The following CAPN1 variants were observed in gnomAD, a reference collection of about 807,000 sequenced individuals.
The protein encoded by CAPN1 is calpain-1 catalytic subunit.
Under a neutral mutation model 105.2 loss-of-function variants are expected in CAPN1, and 77 were observed. The observed-to-expected ratio is 0.73, with a 90% CI of 0.61 to 0.88. The LOEUF is 0.88. CAPN1 is among the 40% of genes least tolerant of loss of function. The probability of loss-of-function intolerance (pLI) is 0.00; values close to 1 mark genes in which losing one functional copy is unlikely to be tolerated. For missense variants in CAPN1, 833 were observed against 976.6 expected (o/e 0.85, Z 1.96); for synonymous variants, 355 against 388.8 (o/e 0.91, Z 1.02).
rs1299195005 is a variant in CAPN1, at chr11:65,210,354, A to T, written c.1961A>T (p.Lys654Met). ...GGACCAGGCTTCAAGCTCAACAAGA[A>T]GCTGTACGAGCTCATCATCACCCGC... The part of the protein sequence containing the change: ...IESAGFKLNK[K>M]LYELIITRYS... The change falls in exon 20 of 22, where the codon AAG (lysine) becomes ATG (methionine). Residue 654 changes from lysine (K) to methionine (M), a missense_variant. Physicochemically the swap from Lys to Met is moderately conservative, Grantham distance 95. Coordinates refer to ENST00000279247, the MANE Select transcript of CAPN1 (RefSeq NM_005186.4). This position sits in a 1 kb window ranked among gnomAD's most constrained non-coding sequence, Gnocchi z 4.3. 6.2e-7 allele frequency: 1 copy of T among 1,611,860 alleles called. No homozygotes were observed. The highest frequency in any genetic ancestry group is 1.7e-5 in the Admixed American group (1 of 59,982).
rs373431615 is a variant in CAPN1 at position 65,205,000 on chromosome 11, T to A, written c.1341+142T>A. The A allele has an allele frequency of 9.2e-5, 63 of 688,436 alleles. No homozygotes were observed. In the Middle Eastern group the frequency reaches 1.6e-3, roughly 18 times the overall value. The allele number at this position is 688,436 out of a possible 1,614,324, so 42.6% of individuals were successfully genotyped here. A position where few individuals can be genotyped will look rare whatever the true frequency, so the allele number is the denominator to read the frequency against. On this transcript the variant is annotated intron_variant, in intron 11 of 21. Transcript: ENST00000279247. ...AAATTCCCCTCCACTCCCCCCACCA[T>A]CCTGAGGGCTGGGAAATCTCAGCCT...
chr11:65,192,320 G>A (rs866123115), intron 10 of CAPN1, among the ~76,000 whole-genome samples: 1 of 152,192 alleles, frequency 6.6e-6, no homozygotes, highest in South Asian at 2.1e-4. Flanking sequence ...ACATGGTCAC[G>A]AGTGACGTTT....
intron 10 of CAPN1, among the ~76,000 whole-genome samples, chr11:65,189,523 A>C: frequency 1.3e-5 from 2 of 151,258 alleles, no homozygotes; most frequent in African/African-American, 2.4e-5. Context: ...GACTCTTTCC[A>C]CTCCCTTAGT....
Position 65,206,613 on chromosome 11 carries a change from G to A in CAPN1, c.1504G>A (p.Glu502Lys), listed in dbSNP as rs895525026. ...GTATGTGGTGGTGCCCTCCACCTTCGAGCCCAACAAGGAGGGCGACTTCGT... is the reference window on the plus strand; with the variant it reads ...GTATGTGGTGGTGCCCTCCACCTTCAAGCCCAACAAGGAGGGCGACTTCGT... ...GEYVVVPSTFEPNKEGDFVLR... is the reference protein window; with the variant it reads ...GEYVVVPSTFKPNKEGDFVLR... Residue 502 changes from glutamate (E) to lysine (K), a missense_variant, in exon 13 of 22, where the codon GAG becomes AAG. Transcript: ENST00000279247. The A allele has an allele frequency of 5.6e-6, 9 of 1,613,356 alleles. No individual in the cohort carries two copies. Among genetic ancestry groups the A allele is most frequent in the South Asian group, 2.2e-5 (2 of 91,088 alleles).
chr11:65,204,856 G>A lies in CAPN1; in HGVS notation c.1339G>A (p.Glu447Lys), dbSNP rs758850643. 5.0e-6 allele frequency: 8 copies of A among 1,601,614 alleles called. No individual in the cohort carries two copies. The South Asian group carries it at 5.5e-5, about 11-fold the overall frequency. ...GGAGACTATTGGCTTCGCGGTCTAC[G>A]AGGTCAGGAGGGTGGATCACCGGTG... ...DMETIGFAVY[E>K]VPPELVGQPA... The change falls in exon 11 of 22, where the codon GAG becomes AAG. Residue 447 changes from glutamate (E) to lysine (K), a missense_variant and splice_region_variant. Physicochemically the swap from Glu to Lys is moderately conservative, Grantham distance 56. Coordinates refer to ENST00000279247, the MANE Select transcript of CAPN1 (RefSeq NM_005186.4).
chr11:65,207,609 C>T (rs917313489), intron 14 of CAPN1, among the ~76,000 whole-genome samples: 16 of 151,902 alleles, frequency 1.1e-4, no homozygotes, highest in Admixed American at 4.6e-4. Flanking sequence ...ATTCCCTTTT[C>T]AGATTAGAAA....
At chr11:65,182,424 C>G (rs1948552016) in intron 1 of CAPN1, 2 of 421,656 alleles carry the variant, frequency 4.7e-6, no homozygotes, top group East Asian at 7.7e-5. Context: ...CCCCACCTGA[C>G]CTGCTGGCTC....
At chr11:65,192,803 C>T (rs1948736439) in intron 10 of CAPN1, among the ~76,000 whole-genome samples, 1 of 151,664 alleles carries the variant, frequency 6.6e-6, no homozygotes, top group Non-Finnish European at 1.5e-5. Flanking sequence ...ATGGGGGTCT[C>T]ACTATGTTGC....
At chr11:65,192,893 C>T (rs1948737862) in intron 10 of CAPN1, among the ~76,000 whole-genome samples, 1 of 152,134 alleles carries the variant, frequency 6.6e-6, no homozygotes, top group African/African-American at 2.4e-5. Flanking sequence ...AGGCATGAGC[C>T]ACTGTGCCCA....
At chr11:65,184,975 A>G (rs966705716) in intron 4 of CAPN1, among the ~76,000 whole-genome samples, 1 of 152,158 alleles carries the variant, frequency 6.6e-6, no homozygotes, top group African/African-American at 2.4e-5. Context: ...ATACATGTAC[A>G]TATCAAGTAT....
chr11:65,206,976 A>G (rs895567062), intron 14 of CAPN1, among the ~76,000 whole-genome samples, 157 bp downstream of exon 14: 4 of 152,204 alleles, frequency 2.6e-5, no homozygotes, highest in Non-Finnish European at 4.4e-5. Flanking sequence ...TCATCCGCCC[A>G]GCACTTTACA....
At chr11:65,189,273 G>T (rs1455674837) in intron 10 of CAPN1, among the ~76,000 whole-genome samples, 1 of 152,120 alleles carries the variant, frequency 6.6e-6, no homozygotes, top group Non-Finnish European at 1.5e-5. Flanking sequence ...CGACCACCTT[G>T]GCCTCCCAAA....
intron 10 of CAPN1, among the ~76,000 whole-genome samples, chr11:65,190,276 C>T (rs1948700008): frequency 6.6e-6 from 1 of 152,178 alleles, no homozygotes; most frequent in Non-Finnish European, 1.5e-5. Flanking sequence ...TTAACCCTTC[C>T]CAGTCCAGCT....
intron 10 of CAPN1, among the ~76,000 whole-genome samples, chr11:65,195,899 T>C (rs1010802208): frequency 2.0e-5 from 3 of 152,160 alleles, no homozygotes; most frequent in Non-Finnish European, 4.4e-5. Flanking sequence ...GTTGATTCAG[T>C]CTTTTTATTA....
intron 10 of CAPN1, among the ~76,000 whole-genome samples, chr11:65,202,596 C>T (rs1384269215): frequency 6.6e-6 from 1 of 151,904 alleles, no homozygotes; most frequent in Non-Finnish European, 1.5e-5. Context: ...GCACCTGCCA[C>T]CATGGCCACC....
Position 65,208,221 on chromosome 11 carries a change from T to G in CAPN1, c.1688T>G (p.Val563Gly), listed in dbSNP as rs1490739986. The G allele has an allele frequency of 6.3e-7, 1 of 1,578,304 alleles. No individual in the cohort carries two copies. The highest frequency in any genetic ancestry group is 8.6e-7 in the Non-Finnish European group (1 of 1,161,912). The change falls in exon 16 of 22, where the codon GTG (valine) becomes GGG (glycine). Residue 563 changes from valine to glycine, a missense_variant. Transcript: ENST00000279247. The surrounding 1 kb of genome is among the most constrained non-coding windows in gnomAD (Gnocchi z 4.1). ...TCTCCCCAGGACATGGAGATCAGCG[T>G]GAAGGAGTTGCGGACAATCCTCAAT... ...QLAGEDMEISVKELRTILNRI... is the reference protein window; with the variant it reads ...QLAGEDMEISGKELRTILNRI...
chr11:65,183,817 T>G, intron 4 of CAPN1: 3 of 551,826 alleles, frequency 5.4e-6, no homozygotes, highest in Non-Finnish European at 9.8e-6. Context: ...AGGTGGAAAG[T>G]GCTTGAAAGA....
chr11:65,206,494 G>A lies in CAPN1; in HGVS notation c.1385G>A (p.Arg462His), dbSNP rs201349372. ...LVGQPAVHLK[R>H]DFFLANASRA... ...GGCCAGCCGGCCGTACACTTGAAGC[G>A]TGACTTCTTCCTGGCCAATGCGTCT... Residue 462 changes from arginine to histidine, a missense_variant, in exon 13 of 22, where the codon CGT (arginine) becomes CAT (histidine). Arg to His is a conservative substitution (Grantham distance 29). Coordinates refer to ENST00000279247, the MANE Select transcript of CAPN1 (RefSeq NM_005186.4). 110 of 1,613,342 alleles carry A rather than the reference G, an allele frequency of 6.8e-5. No homozygotes were observed. The highest frequency in any genetic ancestry group is 1.3e-4 in the Admixed American group (8 of 60,024).
At position 65,211,637 on chromosome 11, in the gene CAPN1, C is replaced by T; in HGVS notation, c.*351C>T. ...ACTTCAGAGGCCACCCACTCAGCAC[C>T]ACCGGCCTGGCCTTGCCTGCAGACT... On this transcript the variant is annotated 3_prime_UTR_variant, in exon 22 of 22. Transcript: ENST00000279247. The T allele has an allele frequency of 2.4e-6, 1 of 419,136 alleles. No individual in the cohort carries two copies. The highest frequency in any genetic ancestry group is 4.4e-6 in the Non-Finnish European group (1 of 225,358). The allele number at this position is 419,136 out of a possible 1,614,324, so 26.0% of individuals were successfully genotyped here.
Sources: gnomAD v4.1 joint callset for allele counts (sites outside exome capture counted in the v4.1 genomes callset) on GRCh38, gnomAD v4.1.1 for gene constraint, Gnocchi (gnomAD v3.1) non-coding constraint, MANE v1.5 for transcripts, NCBI Gene and HGNC (gene_info 2026-07-23, HGNC 2026-07-21) for gene names.